The following AP1G1 variants were observed in gnomAD, a reference collection of about 807,000 sequenced individuals.
The protein encoded by AP1G1 is adaptor related protein complex 1 subunit gamma 1.
In AP1G1, 7 loss-of-function variants were observed where a neutral mutation model predicts 108.3. That is an observed-to-expected ratio of 0.06 (90% confidence interval 0.04 to 0.12). The LOEUF (loss-of-function observed/expected upper bound fraction) is 0.12, where lower values mean the gene tolerates loss of function less well. AP1G1 is among the 10% of genes least tolerant of loss of function. The probability of loss-of-function intolerance (pLI) is 1.00; values close to 1 mark genes in which losing one functional copy is unlikely to be tolerated. For missense variants in AP1G1, 756 were observed against 1,010.7 expected (o/e 0.75, Z 3.42); for synonymous variants, 379 against 353.5 (o/e 1.07, Z -0.81).
rs1201048719 is a variant in AP1G1 at position 71,730,380 on chromosome 16, AAAGT to A, written c.*2674_*2677del. The A allele has an allele frequency of 2.0e-5, 3 of 152,274 alleles. No homozygotes were observed. The highest frequency in any genetic ancestry group is 7.2e-5 in the African/African-American group (3 of 41,444). 9.4% of individuals were successfully genotyped at this position (152,274 alleles called of 1,614,324 possible). A position where few individuals can be genotyped will look rare whatever the true frequency, so the allele number is the denominator to read the frequency against. On this transcript the variant is annotated 3_prime_UTR_variant, in exon 23 of 23. Coordinates refer to ENST00000299980, the MANE Select transcript of AP1G1 (RefSeq NM_001128.6). The stretch of plus-strand genomic sequence containing the variant: ...AAGTACAAGTGCATGTGAAATTGTC[AAAGT>A]AAGTGTGTGAGGGCTCACTGCTTAT...
intron 6 of AP1G1, among the ~76,000 whole-genome samples, chr16:71,765,902 G>T (rs1472206302): frequency 6.6e-6 from 1 of 152,166 alleles, no homozygotes; most frequent in Non-Finnish European, 1.5e-5. Flanking sequence ...GGGGCATACC[G>T]CATTTCTAGT....
In AP1G1 at chr16:71,761,687, G is replaced by A. The variant is rs536937362; in HGVS notation, c.919-120C>T. The A allele has an allele frequency of 5.3e-6, 4 of 749,336 alleles. No individual in the cohort carries two copies. In the Admixed American group the frequency reaches 8.8e-5, roughly 16 times the overall value. 46.4% of individuals were successfully genotyped at this position (749,336 alleles called of 1,614,324 possible). On this transcript the variant is annotated intron_variant, in intron 9 of 22. Coordinates refer to ENST00000299980, the MANE Select transcript of AP1G1 (RefSeq NM_001128.6). ...ACAGACTGCTAGCAAAAAAAAAAAG[G>A]AGCTGGGTGCGGTGGCTCACGCCTG... is the stretch of plus-strand genomic sequence containing the variant.
At chr16:71,771,322 AACC>A in intron 4 of AP1G1, 70 bp from the exon 5 acceptor site, 1 of 855,552 alleles carries the variant, frequency 1.2e-6, no homozygotes, top group Non-Finnish European at 1.7e-6. Context: ...CTTATTAAAA[AACC>A]ACCAACACAA....
intron 10 of AP1G1, 93 bp from the exon 11 acceptor site, chr16:71,759,014 G>GCTTTCTCTTATCC: frequency 1.4e-6 from 1 of 691,438 alleles, no homozygotes; most frequent in Non-Finnish European, 2.5e-6. Flanking sequence ...ACGTCTAATG[G>GCTTTCTCTTATCC]ATAAGAGAAA....
intron 2 of AP1G1, among the ~76,000 whole-genome samples, chr16:71,777,047 T>C (rs1478872748): frequency 6.8e-5 from 9 of 132,976 alleles, no homozygotes; most frequent in African/African-American, 2.4e-4. Context: ...AGGCGGGAGG[T>C]TGCAGTGAGC....
rs553239688 is a variant in AP1G1, at chr16:71,807,849, T to C, written c.-4+914A>G. On this transcript the variant is annotated intron_variant, in intron 1 of 22. Coordinates refer to ENST00000299980, the MANE Select transcript of AP1G1 (RefSeq NM_001128.6). ...GGACAGATTTCCGTGCTCAGGGATA[T>C]ATAATAGGGGAGAAAAAAAAATACC... The C allele has an allele frequency of 7.8e-6, 10 of 1,288,940 alleles. No homozygotes were observed. In the African/African-American group the frequency reaches 9.1e-5, roughly 12 times the overall value. 79.8% of individuals were successfully genotyped at this position (1,288,940 alleles called of 1,614,324 possible).
chr16:71,747,727 A>C (rs1429157844), intron 16 of AP1G1, among the ~76,000 whole-genome samples: 1 of 152,150 alleles, frequency 6.6e-6, no homozygotes, highest in Non-Finnish European at 1.5e-5. Flanking sequence ...CACATCTGTA[A>C]TCCCTGCACT....
At chr16:71,798,876 G>A (rs987085656) in intron 1 of AP1G1, among the ~76,000 whole-genome samples, 1 of 151,410 alleles carries the variant, frequency 6.6e-6, no homozygotes, top group African/African-American at 2.4e-5. Context: ...CGACAAGGGT[G>A]AGACTCTGTC....
intron 5 of AP1G1, 31 bp from the exon 6 acceptor site, chr16:71,769,730 A>G: frequency 6.4e-7 from 1 of 1,552,470 alleles, no homozygotes; most frequent in South Asian, 1.1e-5. Flanking sequence ...AAAACTAAAA[A>G]TGAGGCCTAT....
chr16:71,761,365 C>A, intron 10 of AP1G1, 147 bp downstream of exon 10: 1 of 670,970 alleles, frequency 1.5e-6, no homozygotes, highest in South Asian at 1.7e-5. Flanking sequence ...CTTCACAAAA[C>A]AGTGTTTTAA....
chr16:71,734,829 T>G (rs2045513889), intron 21 of AP1G1, 122 bp from the exon 22 acceptor site: 15 of 742,284 alleles, frequency 2.0e-5, no homozygotes, highest in Middle Eastern at 2.4e-4. Flanking sequence ...CTACTAAGTT[T>G]TGCCTACTAC....
At chr16:71,739,417 A>T (rs2045589787) in intron 19 of AP1G1, 76 bp from the exon 20 acceptor site, 3 of 1,183,832 alleles carry the variant, frequency 2.5e-6, no homozygotes, top group Non-Finnish European at 3.5e-6. Flanking sequence ...AGGGAAAATT[A>T]TTTCGGTCTC....
intron 16 of AP1G1, among the ~76,000 whole-genome samples, chr16:71,747,694 C>G (rs909220938): frequency 2.8e-4 from 43 of 151,902 alleles, no homozygotes; most frequent in Non-Finnish European, 4.9e-4. Flanking sequence ...AAAAACGTAA[C>G]TTTTAGGCCA....
chr16:71,777,761 GCCT>G (rs1332268677), intron 2 of AP1G1: 4 of 444,692 alleles, frequency 9.0e-6, no homozygotes, highest in African/African-American at 6.1e-5. Context: ...TTTCTGGCTT[GCCT>G]CCTCCTCCAC....
rs565346940 is a variant in AP1G1 at position 71,759,498 on chromosome 16, T to C, written c.975-577A>G. On this transcript the variant is annotated intron_variant, in intron 10 of 22. Transcript: ENST00000299980. ...AATTGGGACTGGGCGCGGTGGCTCA[T>C]GCCTATAATCCCAGCACTTTGGGAG... is the stretch of plus-strand genomic sequence containing the variant. Among the ~76,000 whole-genome samples the C allele has an allele frequency of 4.8e-5, 7 of 144,512 alleles. 1 individual carries two copies. The East Asian group carries it at 8.5e-4, about 18-fold the overall frequency. 94.8% of individuals were successfully genotyped at this position (144,512 alleles called of 152,430 possible). A position where few individuals can be genotyped will look rare whatever the true frequency, so the allele number is the denominator to read the frequency against.
intron 2 of AP1G1, among the ~76,000 whole-genome samples, chr16:71,788,392 T>C (rs1337141062): frequency 1.3e-5 from 2 of 152,200 alleles, no homozygotes; most frequent in East Asian, 3.9e-4. Flanking sequence ...TATGACAATA[T>C]AAACATGCAA....
intron 13 of AP1G1, among the ~76,000 whole-genome samples, chr16:71,752,144 T>C (rs1041720209): frequency 1.3e-5 from 2 of 151,946 alleles, no homozygotes; most frequent in African/African-American, 2.4e-5. Context: ...CACATGATCA[T>C]AAGAGAACAC....
intron 1 of AP1G1, among the ~76,000 whole-genome samples, 188 bp from the exon 2 acceptor site, chr16:71,789,670 A>C (rs2032327086): frequency 6.6e-6 from 1 of 152,240 alleles, no homozygotes; most frequent in South Asian, 2.1e-4. Flanking sequence ...TCAACTCTGT[A>C]CATTTCTGGA....
intron 13 of AP1G1, among the ~76,000 whole-genome samples, chr16:71,750,928 G>A (rs1197190361): frequency 6.6e-6 from 1 of 151,170 alleles, no homozygotes; most frequent in East Asian, 2.0e-4. Flanking sequence ...AGGCCAAGGC[G>A]GGTGGATCAC....
Sources: allele counts gnomAD v4.1 joint callset (sites outside exome capture counted in the v4.1 genomes callset), GRCh38; gene constraint gnomAD v4.1.1; transcripts MANE v1.5; gene names NCBI Gene and HGNC (gene_info 2026-07-23, HGNC 2026-07-21).